ZDHHC13: variants seen among roughly 807,000 people sequenced by gnomAD.
ZDHHC13 encodes palmitoyltransferase ZDHHC13.
Under a neutral mutation model 86.0 loss-of-function variants are expected in ZDHHC13, and 85 were observed. The ratio of observed to expected loss-of-function variants is 0.99; its 90% CI spans 0.83 to 1.18. The LOEUF is 1.18. Among genes scored for constraint, ZDHHC13 ranks in the 50% most tolerant of loss-of-function variants. The pLI, the probability that ZDHHC13 is intolerant of heterozygous loss-of-function variation, is 0.00. For missense variants in ZDHHC13, 711 were observed against 730.2 expected, an observed-to-expected ratio of 0.97 and a Z score of 0.30; for synonymous variants, 263 against 246.4, an observed-to-expected ratio of 1.07 and a Z score of -0.63.
intron 1 of ZDHHC13, among the ~76,000 whole-genome samples, chr11:19,125,780 C>T (rs7129326): frequency 0.63 from 95,222 of 152,040 alleles, 31,346 homozygotes; most frequent in Admixed American, 0.75. Context: ...TGATAACATA[C>T]AACAACTTGG....
At chr11:19,134,661 A>G (rs1849082987) in intron 1 of ZDHHC13, among the ~76,000 whole-genome samples, 1 of 151,972 alleles carries the variant, frequency 6.6e-6, no homozygotes, top group Admixed American at 6.6e-5. Context: ...GAACAGTGAG[A>G]ATATATGGAC....
At chr11:19,147,548 G>T in intron 3 of ZDHHC13, 48 bp from the exon 4 acceptor site, 2 of 1,479,538 alleles carry the variant, frequency 1.4e-6, no homozygotes, top group South Asian at 2.5e-5. Flanking sequence ...TTCTCAATAT[G>T]AAGCTTAAGT....
At chr11:19,153,130 G>A (rs902176487) in intron 8 of ZDHHC13, among the ~76,000 whole-genome samples, 2 of 152,130 alleles carry the variant, frequency 1.3e-5, no homozygotes, top group Non-Finnish European at 2.9e-5. Flanking sequence ...AAATGATAGT[G>A]TTGAAAATTT....
At chr11:19,165,650 A>G (rs878931832) in intron 13 of ZDHHC13, among the ~76,000 whole-genome samples, 4 of 152,140 alleles carry the variant, frequency 2.6e-5, no homozygotes, top group African/African-American at 9.7e-5. Flanking sequence ...CTTCTGTAGA[A>G]GTTTCTCAGA....
intron 2 of ZDHHC13, among the ~76,000 whole-genome samples, chr11:19,145,346 G>A (rs886447679): frequency 2.4e-4 from 36 of 151,956 alleles, no homozygotes; most frequent in African/African-American, 8.5e-4. Flanking sequence ...CTCTAAATTC[G>A]TATTTCACTC....
intron 16 of ZDHHC13, 25 bp from the exon 17 acceptor site, chr11:19,175,797 G>A (rs1399211338): frequency 6.2e-7 from 1 of 1,604,380 alleles, no homozygotes; most frequent in Admixed American, 1.7e-5. Flanking sequence ...AGTAAGACAT[G>A]TTCTCTTTTT....
chr11:19,164,577 G>A (rs1317009468), intron 12 of ZDHHC13: 8 of 567,640 alleles, frequency 1.4e-5, no homozygotes, highest in South Asian at 6.7e-5. Flanking sequence ...ACATCTCTCC[G>A]TGAATTATCC....
intron 15 of ZDHHC13, 57 bp downstream of exon 15, chr11:19,170,625 G>A: frequency 7.0e-7 from 1 of 1,433,136 alleles, no homozygotes. Context: ...CTTGTAGTGA[G>A]ACAGCCTTGA....
intron 1 of ZDHHC13, among the ~76,000 whole-genome samples, chr11:19,138,948 G>A (rs1290953644): frequency 6.6e-6 from 1 of 151,578 alleles, no homozygotes; most frequent in African/African-American, 2.4e-5. Flanking sequence ...CAAACCCACA[G>A]CCAATATCAT....
chr11:19,161,980 T>C (rs1313051782), intron 10 of ZDHHC13, among the ~76,000 whole-genome samples: 1 of 152,136 alleles, frequency 6.6e-6, no homozygotes, highest in Non-Finnish European at 1.5e-5. Context: ...TGTTTTGAAT[T>C]ATATCCTTTT....
Position 19,155,963 on chromosome 11 carries a change from G to A in ZDHHC13, c.1007+34G>A, listed in dbSNP as rs1479002317. On this transcript the variant is annotated intron_variant, in intron 9 of 16. Coordinates refer to ENST00000446113, the MANE Select transcript of ZDHHC13 (RefSeq NM_019028.3). ...GTTAATTTTTGCAAGGCTGGTTATT[G>A]TGTTTCTGATTTTATTTCTTATTTC... The A allele has an allele frequency of 2.5e-6, 4 of 1,570,432 alleles. No homozygotes were observed. In the East Asian group the frequency reaches 6.8e-5, roughly 27 times the overall value.
At chr11:19,166,556 C>A in intron 14 of ZDHHC13, 171 bp downstream of exon 14, 3 of 504,400 alleles carry the variant, frequency 5.9e-6, no homozygotes, top group Non-Finnish European at 1.0e-5. Context: ...GCAAGAAATA[C>A]AAGATGAGGT....
At chr11:19,163,114 A>T (rs1455270470) in intron 10 of ZDHHC13, among the ~76,000 whole-genome samples, 189 bp from the exon 11 acceptor site, 1 of 152,184 alleles carries the variant, frequency 6.6e-6, no homozygotes, top group Non-Finnish European at 1.5e-5. Context: ...TAATAAGGAA[A>T]CATTAATTAT....
intron 1 of ZDHHC13, among the ~76,000 whole-genome samples, chr11:19,133,634 T>TTA (rs1849053278): frequency 6.6e-6 from 1 of 151,918 alleles, no homozygotes; most frequent in South Asian, 2.1e-4. Flanking sequence ...GCAAAACAAA[T>TTA]GATAGAGAAT....
At position 19,170,392 on chromosome 11, in the gene ZDHHC13, T is replaced by C; in HGVS notation, c.1475-19T>C. The C allele has an allele frequency of 6.7e-7, 1 of 1,487,126 alleles. No homozygotes were observed. 92.1% of individuals were successfully genotyped at this position (1,487,126 alleles called of 1,614,324 possible). A position where few individuals can be genotyped will look rare whatever the true frequency, so the allele number is the denominator to read the frequency against. ...TTTATTGCCTTTTTTTTTTTTTTTTTTTTTTGGTGAATTCACAGATTTGTC... is the reference window on the plus strand; with the variant it reads ...TTTATTGCCTTTTTTTTTTTTTTTTCTTTTTGGTGAATTCACAGATTTGTC... On this transcript the variant is annotated intron_variant, in intron 14 of 16. Coordinates refer to ENST00000446113, the MANE Select transcript of ZDHHC13 (RefSeq NM_019028.3).
intron 4 of ZDHHC13, among the ~76,000 whole-genome samples, chr11:19,148,982 A>C (rs563187040): frequency 6.6e-4 from 100 of 152,248 alleles, no homozygotes; most frequent in African/African-American, 1.2e-3. Flanking sequence ...ACAAAAAAAA[A>C]CGAGAATGAT....
chr11:19,134,348 A>G (rs1479130906), intron 1 of ZDHHC13, among the ~76,000 whole-genome samples: 2 of 152,210 alleles, frequency 1.3e-5, no homozygotes, highest in East Asian at 1.9e-4. Flanking sequence ...TAAAAACTAA[A>G]AAATTAGCTG....
chr11:19,138,330 C>G (rs1206181777), intron 1 of ZDHHC13, among the ~76,000 whole-genome samples: 6 of 151,850 alleles, frequency 4.0e-5, no homozygotes, highest in African/African-American at 1.2e-4. Flanking sequence ...GGATAAATTC[C>G]TCAACACATA....
intron 1 of ZDHHC13, among the ~76,000 whole-genome samples, chr11:19,119,790 C>A (rs1361006329): frequency 2.0e-5 from 3 of 152,226 alleles, no homozygotes; most frequent in African/African-American, 4.8e-5. Flanking sequence ...GCATCTGGAA[C>A]AATGCCTAGC....
Sources: gnomAD v4.1 joint callset for allele counts (sites outside exome capture counted in the v4.1 genomes callset) on GRCh38, gnomAD v4.1.1 for gene constraint, MANE v1.5 for transcripts, NCBI Gene and HGNC (gene_info 2026-07-23, HGNC 2026-07-21) for gene names.